TMEM267: variants seen among roughly 807,000 people sequenced by gnomAD.
TMEM267 encodes transmembrane protein 267, also known as transmembrane protein C5orf28.
In TMEM267, 20 loss-of-function variants were observed where a neutral mutation model predicts 19.3. The observed-to-expected ratio is 1.04, with a 90% CI of 0.73 to 1.51. The LOEUF (loss-of-function observed/expected upper bound fraction) is 1.51. Among genes scored for constraint, TMEM267 ranks in the 40% most tolerant of loss-of-function variants. TMEM267 has a pLI of 0.00. For missense variants in TMEM267, 242 were observed against 261.9 expected, an observed-to-expected ratio of 0.92 and a Z score of 0.52; for synonymous variants, 88 against 90.3, an observed-to-expected ratio of 0.97 and a Z score of 0.15.
At chr5:43,480,866 G>A (rs538839232) in intron 1 of TMEM267, among the ~76,000 whole-genome samples, 4 of 136,628 alleles carry the variant, frequency 2.9e-5, no homozygotes, top group South Asian at 2.3e-4. Context: ...GCAGTGGCGC[G>A]ATCTCGGCTC....
chr5:43,450,123 T>C (rs1742491355), intron 2 of TMEM267, among the ~76,000 whole-genome samples: 1 of 151,968 alleles, frequency 6.6e-6, no homozygotes, highest in Non-Finnish European at 1.5e-5. Context: ...GCCTCCTGAT[T>C]AGGTGGAACT....
intron 1 of TMEM267, among the ~76,000 whole-genome samples, chr5:43,482,746 T>A (rs1334348043): frequency 1.3e-5 from 2 of 152,256 alleles, no homozygotes; most frequent in East Asian, 3.9e-4. Context: ...TCACACCCCA[T>A]CCCCCTTATA....
chr5:43,458,226 G>A (rs558120592), intron 1 of TMEM267, among the ~76,000 whole-genome samples: 1 of 152,056 alleles, frequency 6.6e-6, no homozygotes, highest in Non-Finnish European at 1.5e-5. Context: ...TCAGCCTCCT[G>A]AGTAGCTGGA....
chr5:43,454,179 T>C, intron 1 of TMEM267, 136 bp from the exon 2 acceptor site: 1 of 536,880 alleles, frequency 1.9e-6, no homozygotes, highest in Non-Finnish European at 3.1e-6. Context: ...ATGTTATATA[T>C]AATATGTCAC....
chr5:43,470,236 A>G (rs1743982502), intron 1 of TMEM267, among the ~76,000 whole-genome samples: 1 of 152,076 alleles, frequency 6.6e-6, no homozygotes, highest in African/African-American at 2.4e-5. Flanking sequence ...TCCACCTCCT[A>G]GGTTCAAGTG....
intron 1 of TMEM267, among the ~76,000 whole-genome samples, chr5:43,461,560 C>A (rs929423711): frequency 5.3e-5 from 8 of 152,118 alleles, no homozygotes; most frequent in African/African-American, 1.9e-4. Context: ...GAGCCCACTG[C>A]CCTAAAGGGT....
At chr5:43,474,375 A>G (rs1230181387) in intron 1 of TMEM267, among the ~76,000 whole-genome samples, 1 of 152,244 alleles carries the variant, frequency 6.6e-6, no homozygotes, top group Non-Finnish European at 1.5e-5. Context: ...AAAAAGGGCT[A>G]ATATCCAGAA....
chr5:43,466,045 G>T (rs935496532), intron 1 of TMEM267, among the ~76,000 whole-genome samples: 1 of 151,952 alleles, frequency 6.6e-6, no homozygotes, highest in Non-Finnish European at 1.5e-5. Flanking sequence ...ATAGTTATTG[G>T]CTGTAAAGAT....
rs536785335 is a variant in TMEM267 at position 43,465,494 on chromosome 5, C to G, written c.-74-11451G>C. 9.2e-5 allele frequency among the ~76,000 whole-genome samples: 14 copies of G among 152,268 alleles called. No homozygotes were observed. In the East Asian group the frequency reaches 2.3e-3, roughly 25 times the overall value. On this transcript the variant is annotated intron_variant, in intron 1 of 2. Transcript: ENST00000397080. Reference sequence around the variant, plus strand: ...ACCCAAAGGATTATAAATCATGCAGCTATAAAGACACATGTATGTTTATTG... The same window carrying G: ...ACCCAAAGGATTATAAATCATGCAGGTATAAAGACACATGTATGTTTATTG...
At chr5:43,483,054 A>G (rs1744888117) in intron 1 of TMEM267, among the ~76,000 whole-genome samples, 1 of 152,232 alleles carries the variant, frequency 6.6e-6, no homozygotes, top group Non-Finnish European at 1.5e-5. Context: ...CTTTACCAGT[A>G]AGTCTTCTTC....
rs183661603 is a variant in TMEM267, at chr5:43,477,909, C to T, written c.-75+5913G>A. 2.0e-4 allele frequency among the ~76,000 whole-genome samples: 31 copies of T among 152,296 alleles called. 1 individual carries two copies. The highest frequency in any genetic ancestry group is 5.8e-4 in the East Asian group (3 of 5,186). On this transcript the variant is annotated intron_variant, in intron 1 of 2. Coordinates refer to ENST00000397080, the MANE Select transcript of TMEM267 (RefSeq NM_022483.5). ...AGTATATACAGATGGTTTCAACCTA[C>T]GATGGTTCAATTTATTATTTTTTTG...
At chr5:43,472,660 G>A (rs1744152522) in intron 1 of TMEM267, among the ~76,000 whole-genome samples, 3 of 152,144 alleles carry the variant, frequency 2.0e-5, no homozygotes, top group African/African-American at 7.2e-5. Flanking sequence ...TGGAACTGGA[G>A]AACATTTTGC....
intron 2 of TMEM267, among the ~76,000 whole-genome samples, chr5:43,449,835 A>G (rs936899592): frequency 3.9e-5 from 6 of 152,228 alleles, no homozygotes; most frequent in African/African-American, 1.4e-4. Flanking sequence ...AGAAAGCAAT[A>G]ACCTGATGTT....
intron 1 of TMEM267, among the ~76,000 whole-genome samples, chr5:43,455,268 A>G (rs887958973): frequency 2.2e-4 from 33 of 151,956 alleles, no homozygotes; most frequent in Non-Finnish European, 1.2e-4. Context: ...TACAAATAAT[A>G]AAAAATTAGC....
At chr5:43,455,884 G>C (rs1742919454) in intron 1 of TMEM267, among the ~76,000 whole-genome samples, 1 of 151,520 alleles carries the variant, frequency 6.6e-6, no homozygotes, top group Non-Finnish European at 1.5e-5. Flanking sequence ...GAGTTTTACT[G>C]GAGTGTAGTG....
intron 1 of TMEM267, among the ~76,000 whole-genome samples, chr5:43,461,825 G>T (rs1743282939): frequency 1.3e-5 from 2 of 152,150 alleles, no homozygotes; most frequent in South Asian, 4.2e-4. Flanking sequence ...CTGACTCCCA[G>T]ATGGTACCTC....
chr5:43,457,807 T>A (rs1045327866), intron 1 of TMEM267, among the ~76,000 whole-genome samples: 2 of 152,210 alleles, frequency 1.3e-5, no homozygotes, highest in Admixed American at 6.5e-5. Context: ...CGCCAACAAA[T>A]ATTATAAATT....
At chr5:43,476,822 G>T (rs1744455868) in intron 1 of TMEM267, among the ~76,000 whole-genome samples, 1 of 151,448 alleles carries the variant, frequency 6.6e-6, no homozygotes, top group Admixed American at 6.6e-5. Context: ...ATTTGACCCA[G>T]ATCTCGTTAT....
At chr5:43,447,382 G>A (rs1308047030) in intron 2 of TMEM267, among the ~76,000 whole-genome samples, 2 of 151,916 alleles carry the variant, frequency 1.3e-5, no homozygotes, top group African/African-American at 2.4e-5. Flanking sequence ...GAGCCATGAC[G>A]CCCGGCAAAC....
Sources: allele counts gnomAD v4.1 joint callset (sites outside exome capture counted in the v4.1 genomes callset), GRCh38; gene constraint gnomAD v4.1.1; transcripts MANE v1.5; gene names NCBI Gene and HGNC (gene_info 2026-07-23, HGNC 2026-07-21).